ZNF713: variants seen among roughly 807,000 people sequenced by gnomAD.
ZNF713 encodes zinc finger protein 713.
Under a neutral mutation model 28.7 loss-of-function variants are expected in ZNF713, and 21 were observed. That is an observed-to-expected ratio of 0.73 (90% CI 0.52 to 1.05). The LOEUF is 1.05. Ranked by LOEUF, ZNF713 falls within the 50% of genes least tolerant of loss-of-function variation. The probability of loss-of-function intolerance (pLI) is 0.00; values close to 1 mark genes in which losing one functional copy is unlikely to be tolerated. For missense variants in ZNF713, 458 were observed against 532.4 expected (o/e 0.86, Z 1.37); for synonymous variants, 167 against 178.0 (o/e 0.94, Z 0.49).
intron 1 of ZNF713, among the ~76,000 whole-genome samples, chr7:55,895,967 A>G (rs1785466337): frequency 6.6e-6 from 1 of 152,174 alleles, no homozygotes; most frequent in African/African-American, 2.4e-5. Flanking sequence ...TTGGCTGTGG[A>G]GTCACCATTC....
intron 4 of ZNF713, among the ~76,000 whole-genome samples, chr7:55,914,110 CA>C (rs755685299): frequency 0.098 from 5,912 of 60,136 alleles, 113 homozygotes; most frequent in Admixed American, 0.14. Flanking sequence ...GACTCCATCT[CA>C]AAAAAAAAAA....
rs568740469 is a variant in ZNF713 at position 55,892,492 on chromosome 7, T to G, written c.-583+4812T>G. On this transcript the variant is annotated intron_variant, in intron 1 of 6. Transcript: ENST00000429591. The stretch of plus-strand genomic sequence containing the variant: ...TTAACAAGAGAAAAGCATAACAAGT[T>G]TATTTGGTAATAGTTTTATAACTTC... 5.4e-5 allele frequency among the ~76,000 whole-genome samples: 8 copies of G among 147,928 alleles called. No homozygotes were observed. The South Asian group carries it at 1.7e-3, about 32-fold the overall frequency.
At chr7:55,903,377 A>T (rs563838181) in intron 1 of ZNF713, among the ~76,000 whole-genome samples, 3 of 152,036 alleles carry the variant, frequency 2.0e-5, no homozygotes, top group African/African-American at 7.2e-5. Flanking sequence ...AAAAAAAAAA[A>T]TGCTGCCCAT....
chr7:55,887,839 GGGCGGCGGC>G (rs1312492341), intron 1 of ZNF713, among the ~76,000 whole-genome samples, 159 bp downstream of exon 1: 1,148 of 15,500 alleles, frequency 0.074, 381 homozygotes, highest in African/African-American at 0.16. Context: ...GGCGGGCGGC[GGGCGGCGGC>G]GGCGGCGGGC....
intron 1 of ZNF713, among the ~76,000 whole-genome samples, chr7:55,888,560 T>C (rs1006171014): frequency 6.6e-6 from 1 of 151,942 alleles, no homozygotes; most frequent in African/African-American, 2.4e-5. Context: ...TTGTTGTTGT[T>C]GTTGTTGTTA....
At chr7:55,900,387 G>A (rs1024905208) in intron 1 of ZNF713, among the ~76,000 whole-genome samples, 2 of 151,488 alleles carry the variant, frequency 1.3e-5, no homozygotes, top group South Asian at 2.1e-4. Flanking sequence ...AGAAGTGCTC[G>A]AACCCGGGAG....
At position 55,939,940 on chromosome 7, in the gene ZNF713, G is replaced by T. The variant is rs1249067447; in HGVS notation, c.1266G>T (p.Arg422=). The change falls in exon 7 of 7, where the codon CGG becomes CGT. Residue 422 remains arginine (R), a synonymous_variant. Coordinates refer to ENST00000429591, the MANE Select transcript of ZNF713 (RefSeq NM_182633.3). ...HLNQHRKIHT[R]EKLCEYKCEQ... is the part of the protein sequence containing the mutation. ...ATCAACACAGGAAAATCCATACTCG[G>T]GAGAAATTATGTGAATATAAATGTG... 1.2e-6 allele frequency: 2 copies of T among 1,612,976 alleles called. No homozygotes were observed. Among genetic ancestry groups the T allele is most frequent in the Non-Finnish European group, 1.7e-6 (2 of 1,179,476 alleles).
chr7:55,932,194 C>G (rs1037298038), intron 6 of ZNF713, among the ~76,000 whole-genome samples: 1 of 152,002 alleles, frequency 6.6e-6, no homozygotes, highest in Non-Finnish European at 1.5e-5. Flanking sequence ...ATCTATTGAT[C>G]TATTTTCCAT....
intron 6 of ZNF713, among the ~76,000 whole-genome samples, chr7:55,931,273 C>CA (rs1786204227): frequency 6.7e-6 from 1 of 149,894 alleles, no homozygotes; most frequent in Non-Finnish European, 1.5e-5. Context: ...GCAACAAGAG[C>CA]AAAACTGTCT....
intron 6 of ZNF713, chr7:55,925,013 CAAA>C (rs796198282): frequency 1.4e-5 from 2 of 141,204 alleles, no homozygotes; most frequent in Non-Finnish European, 1.6e-5. Context: ...ATTTCTTGAC[CAAA>C]AAAAAAAAAA....
At chr7:55,918,439 A>C (rs1562743115) in intron 4 of ZNF713, 1 of 177,812 alleles carries the variant, frequency 5.6e-6, no homozygotes, top group Non-Finnish European at 1.2e-5. Flanking sequence ...TTTGTTATGC[A>C]GCAAGATAAT....
At chr7:55,917,139 G>A (rs1278186653) in intron 4 of ZNF713, among the ~76,000 whole-genome samples, 3 of 151,538 alleles carry the variant, frequency 2.0e-5, no homozygotes, top group Admixed American at 6.6e-5. Flanking sequence ...GCGTGAACCC[G>A]GGAGGCGGAG....
chr7:55,899,436 G>T (rs867584326), intron 1 of ZNF713, among the ~76,000 whole-genome samples: 4 of 29,596 alleles, frequency 1.4e-4, no homozygotes, highest in Admixed American at 3.9e-4. Flanking sequence ...AGGCCGAGGG[G>T]GGGGGGGGGG....
At chr7:55,927,555 G>A (rs537246197) in intron 6 of ZNF713, among the ~76,000 whole-genome samples, 6 of 152,038 alleles carry the variant, frequency 3.9e-5, no homozygotes, top group East Asian at 1.9e-4. Flanking sequence ...AAGCAGGAAC[G>A]ATTTTACTTG....
At chr7:55,907,573 C>T (rs1351415428) in intron 2 of ZNF713, among the ~76,000 whole-genome samples, 1 of 152,162 alleles carries the variant, frequency 6.6e-6, no homozygotes. Context: ...GTGAACATTG[C>T]ACCTAGTAGG....
intron 1 of ZNF713, among the ~76,000 whole-genome samples, chr7:55,894,518 A>T (rs1370927234): frequency 6.6e-6 from 1 of 152,248 alleles, no homozygotes. Flanking sequence ...AAATATGTTT[A>T]TGTATTTCAA....
At chr7:55,936,586 C>A (rs34015089) in intron 6 of ZNF713, among the ~76,000 whole-genome samples, 20 of 152,046 alleles carry the variant, frequency 1.3e-4, no homozygotes, top group African/African-American at 3.9e-4. Context: ...TGATGTGGAC[C>A]TCATGTCTAA....
chr7:55,895,841 C>G (rs1160570062), intron 1 of ZNF713, among the ~76,000 whole-genome samples: 1 of 152,048 alleles, frequency 6.6e-6, no homozygotes, highest in Non-Finnish European at 1.5e-5. Context: ...CAGGTAGATA[C>G]TATTATTATT....
intron 2 of ZNF713, among the ~76,000 whole-genome samples, chr7:55,908,174 G>C (rs1229278282): frequency 9.6e-6 from 1 of 104,574 alleles, no homozygotes; most frequent in Non-Finnish European, 1.7e-5. Flanking sequence ...ATGGAGTCTT[G>C]CCATGTCGCC....
Sources: gnomAD v4.1 joint callset for allele counts (sites outside exome capture counted in the v4.1 genomes callset) on GRCh38, gnomAD v4.1.1 for gene constraint, MANE v1.5 for transcripts, NCBI Gene and HGNC (gene_info 2026-07-23, HGNC 2026-07-21) for gene names.